The following FOXN3 variants were observed in gnomAD, a reference collection of about 807,000 sequenced individuals.
FOXN3 encodes the protein forkhead box protein N3.
FOXN3 carries 7 observed loss-of-function variants against 38.4 expected under a neutral mutation model. The observed-to-expected ratio is 0.18, with a 90% CI of 0.10 to 0.34. The LOEUF (loss-of-function observed/expected upper bound fraction) is 0.34, where lower values mean the gene tolerates loss of function less well. FOXN3 is among the 10% of genes least tolerant of loss of function. The pLI is 1.00. For missense variants in FOXN3, 456 were observed against 613.4 expected, an observed-to-expected ratio of 0.74 and a Z score of 2.71; for synonymous variants, 230 against 242.2, an observed-to-expected ratio of 0.95 and a Z score of 0.47.
At chr14:89,174,164 T>C (rs1464207062) in intron 5 of FOXN3, among the ~76,000 whole-genome samples, 1 of 152,198 alleles carries the variant, frequency 6.6e-6, no homozygotes, top group African/African-American at 2.4e-5. Context: ...AGATGCCATT[T>C]AGGTCATTAA....
At chr14:89,304,634 A>G (rs2139950796) in intron 3 of FOXN3, among the ~76,000 whole-genome samples, 1 of 152,272 alleles carries the variant, frequency 6.6e-6, no homozygotes, top group South Asian at 2.1e-4. Context: ...CAAATGGATG[A>G]TTCTGGATGT....
intron 3 of FOXN3, among the ~76,000 whole-genome samples, chr14:89,300,534 T>G (rs892476517): frequency 1.3e-5 from 2 of 152,222 alleles, no homozygotes; most frequent in Non-Finnish European, 2.9e-5. Context: ...TCCCGGTACT[T>G]CCTATGATGC....
intron 1 of FOXN3, among the ~76,000 whole-genome samples, chr14:89,513,593 T>G (rs1157372343): frequency 6.6e-6 from 1 of 151,776 alleles, no homozygotes; most frequent in African/African-American, 2.4e-5. Context: ...GTATTTTTAT[T>G]TTTATTTATT....
intron 4 of FOXN3, among the ~76,000 whole-genome samples, chr14:89,225,919 G>C (rs1208371104): frequency 6.6e-6 from 1 of 152,126 alleles, no homozygotes; most frequent in African/African-American, 2.4e-5. Context: ...TTGAGACCTT[G>C]GTTCTCCATT....
intron 1 of FOXN3, among the ~76,000 whole-genome samples, chr14:89,520,306 C>T (rs531658126): frequency 1.3e-5 from 2 of 152,056 alleles, no homozygotes; most frequent in African/African-American, 4.8e-5. Context: ...GATCACAGCT[C>T]GCACTGCAGC....
intron 1 of FOXN3, among the ~76,000 whole-genome samples, chr14:89,613,683 T>C (rs1896439476): frequency 1.3e-5 from 2 of 152,214 alleles, no homozygotes; most frequent in Admixed American, 1.3e-4. Flanking sequence ...CTTATTATTT[T>C]AATTGTCATC....
Position 89,346,399 on chromosome 14 carries a change from T to C in FOXN3, c.680+4273A>G, listed in dbSNP as rs2896107. Among the ~76,000 whole-genome samples the C allele has an allele frequency of 5.9e-3, 902 of 152,308 alleles. 18 individuals are homozygous for C. Among genetic ancestry groups the C allele is most frequent in the African/African-American group, 0.02 (845 of 41,562 alleles). On this transcript the variant is annotated intron_variant, in intron 3 of 5. Transcript: ENST00000557258. Reference sequence around the variant, plus strand: ...CTTCTTAGTCTCCTCTGGTCTGTAATAGATTCTAAGACTTTCCCTGTTTCT... The same window carrying C: ...CTTCTTAGTCTCCTCTGGTCTGTAACAGATTCTAAGACTTTCCCTGTTTCT...
rs756634006 is a variant in FOXN3, at chr14:89,162,116, A to G, written c.*298T>C. 2.4e-4 allele frequency: 56 copies of G among 237,638 alleles called. No individual in the cohort carries two copies. Among genetic ancestry groups the G allele is most frequent in the Non-Finnish European group, 2.2e-4 (27 of 123,970 alleles). 14.7% of individuals were successfully genotyped at this position (237,638 alleles called of 1,614,324 possible). The stretch of plus-strand genomic sequence containing the variant: ...AGGTTTCTGACAAGCTGGAGGAAGC[A>G]ATGGTAATTTTGGCTTTTTCGGTTT... On this transcript the variant is annotated 3_prime_UTR_variant, in exon 6 of 6. Coordinates refer to ENST00000557258, the MANE Select transcript of FOXN3 (RefSeq NM_005197.4). This position sits in a 1 kb window ranked among gnomAD's most constrained non-coding sequence, Gnocchi z 7.2.
chr14:89,236,383 C>A (rs967466666), intron 4 of FOXN3, among the ~76,000 whole-genome samples: 1 of 152,160 alleles, frequency 6.6e-6, no homozygotes, highest in Admixed American at 6.5e-5. Context: ...GGTGTAGAGG[C>A]AGGCACCTGT....
chr14:89,547,518 G>A (rs1894911715), intron 1 of FOXN3, among the ~76,000 whole-genome samples: 1 of 151,904 alleles, frequency 6.6e-6, no homozygotes, highest in Non-Finnish European at 1.5e-5. Flanking sequence ...GGCTCGTCTC[G>A]AACTCCTGAC....
At chr14:89,549,674 C>A (rs1416022206) in intron 1 of FOXN3, among the ~76,000 whole-genome samples, 2 of 152,212 alleles carry the variant, frequency 1.3e-5, no homozygotes, top group Non-Finnish European at 2.9e-5. Flanking sequence ...ACGTTTCCAT[C>A]TGATGGTTCA....
intron 4 of FOXN3, among the ~76,000 whole-genome samples, chr14:89,192,103 ATATATT>A (rs918943143): frequency 6.1e-5 from 9 of 146,890 alleles, no homozygotes; most frequent in Non-Finnish European, 7.5e-5. Flanking sequence ...TATACAGTTT[ATATATT>A]TGGCAACTCC....
chr14:89,462,136 C>T (rs1042792910), intron 1 of FOXN3, among the ~76,000 whole-genome samples: 1 of 152,276 alleles, frequency 6.6e-6, no homozygotes, highest in Non-Finnish European at 1.5e-5. Flanking sequence ...AAGCAGGAAT[C>T]TGCCTTTGGG....
intron 1 of FOXN3, among the ~76,000 whole-genome samples, chr14:89,442,088 G>C (rs762678296): frequency 6.6e-6 from 1 of 152,014 alleles, no homozygotes; most frequent in Non-Finnish European, 1.5e-5. Context: ...CACCACGCTT[G>C]GCTAATTTTG....
intron 3 of FOXN3, chr14:89,284,592 G>A: frequency 2.2e-6 from 1 of 456,002 alleles, no homozygotes; most frequent in Non-Finnish European, 4.4e-6. Context: ...GCTAGAAAAA[G>A]CAATCAGACT....
intron 1 of FOXN3, among the ~76,000 whole-genome samples, chr14:89,415,174 G>A (rs1158204001): frequency 6.6e-6 from 1 of 152,110 alleles, no homozygotes. Context: ...GAACTACCCA[G>A]CCACTGAAGT....
chr14:89,524,047 C>T (rs1894375707), intron 1 of FOXN3, among the ~76,000 whole-genome samples: 1 of 149,856 alleles, frequency 6.7e-6, no homozygotes, highest in Admixed American at 6.6e-5. Context: ...AGGCGTGAGC[C>T]ACCACGCCTA....
intron 4 of FOXN3, among the ~76,000 whole-genome samples, chr14:89,208,726 A>C (rs978103013): frequency 6.6e-6 from 1 of 152,172 alleles, no homozygotes. Context: ...TAAGCACAGA[A>C]TAATAGAATT....
intron 4 of FOXN3, among the ~76,000 whole-genome samples, chr14:89,238,784 A>G (rs1461013192): frequency 6.6e-6 from 1 of 152,212 alleles, no homozygotes; most frequent in African/African-American, 2.4e-5. Flanking sequence ...CTCATAATGA[A>G]TATCAATAAC....
Sources: allele counts gnomAD v4.1 joint callset (sites outside exome capture counted in the v4.1 genomes callset), GRCh38; gene constraint gnomAD v4.1.1; non-coding constraint Gnocchi (gnomAD v3.1); transcripts MANE v1.5; gene names NCBI Gene and HGNC (gene_info 2026-07-23, HGNC 2026-07-21).